Variants in LMBR1 observed in about 807,000 individuals in gnomAD.
The protein encoded by LMBR1 is limb development membrane protein 1.
Under a neutral mutation model 73.9 loss-of-function variants are expected in LMBR1, and 52 were observed. The observed-to-expected ratio is 0.70, with a 90% CI of 0.56 to 0.89. LMBR1 has a LOEUF of 0.89. Among genes scored for constraint, LMBR1 ranks in the 40% least tolerant of loss-of-function variants. The probability of loss-of-function intolerance (pLI) is 0.00; values close to 1 mark genes in which losing one functional copy is unlikely to be tolerated. For missense variants in LMBR1, 539 were observed against 579.8 expected (o/e 0.93, Z 0.72); for synonymous variants, 215 against 209.4 (o/e 1.03, Z -0.23).
Position 156,878,721 on chromosome 7 carries a change from A to C in LMBR1, c.66+14207T>G, listed in dbSNP as rs970728012. ...AAAAACAATCCTAAAATTCATATGG[A>C]ACCAAAAAAGAGCCCGCGTAGCCAA... On this transcript the variant is annotated intron_variant, in intron 1 of 16. Coordinates refer to ENST00000353442, the MANE Select transcript of LMBR1 (RefSeq NM_022458.4). Among the ~76,000 whole-genome samples, 10 of 152,206 alleles carry C rather than the reference A, an allele frequency of 6.6e-5. No individual in the cohort carries two copies. In the South Asian group the frequency reaches 1.2e-3, roughly 19 times the overall value.
intron 15 of LMBR1, among the ~76,000 whole-genome samples, chr7:156,709,128 G>A (rs954789880): frequency 1.3e-5 from 2 of 151,998 alleles, no homozygotes; most frequent in Non-Finnish European, 2.9e-5. Context: ...GAGCTTTATG[G>A]CCCCACCCAT....
rs1475308681 is a variant in LMBR1, at chr7:156,670,405, G to C, written n.867-1118C>G. ...CCAGGGAAGTGACTTGCCTAAGAGA[G>C]GATGTGGCGCAGGATGTCACTGTCA... On this transcript the variant is annotated intron_variant and non_coding_transcript_variant, in intron 4 of 4. Transcript: ENST00000430825. The surrounding 1 kb of genome is among the most constrained non-coding windows in gnomAD (Gnocchi z 4.3). Among the ~76,000 whole-genome samples, 1 of 152,234 alleles carries C rather than the reference G, an allele frequency of 6.6e-6. No homozygotes were observed. The highest frequency in any genetic ancestry group is 1.5e-5 in the Non-Finnish European group (1 of 68,044).
At chr7:156,800,482 CAAAAAA>C (rs1245017996) in intron 4 of LMBR1, among the ~76,000 whole-genome samples, 3 of 81,030 alleles carry the variant, frequency 3.7e-5, no homozygotes, top group African/African-American at 9.8e-5. Flanking sequence ...ACTTGCTACT[CAAAAAA>C]AAAAAAAAAA....
chr7:156,886,162 C>T (rs904118703), intron 1 of LMBR1, among the ~76,000 whole-genome samples: 1 of 152,110 alleles, frequency 6.6e-6, no homozygotes, highest in African/African-American at 2.4e-5. Flanking sequence ...GACGGAACCA[C>T]ACTCTGCCTC....
chr7:156,832,888 C>A (rs1836934950), intron 3 of LMBR1, among the ~76,000 whole-genome samples: 1 of 152,156 alleles, frequency 6.6e-6, no homozygotes, highest in South Asian at 2.1e-4. Context: ...GACTAAAGGA[C>A]ATGACACCCA....
At chr7:156,815,286 T>C (rs1465619797) in intron 4 of LMBR1, among the ~76,000 whole-genome samples, 2 of 151,824 alleles carry the variant, frequency 1.3e-5, no homozygotes, top group Admixed American at 6.6e-5. Flanking sequence ...CCTTAAAGAA[T>C]TATTCTCATT....
intron 1 of LMBR1, among the ~76,000 whole-genome samples, chr7:156,862,086 A>G (rs116869600): frequency 0.023 from 3,560 of 152,318 alleles, 64 homozygotes; most frequent in Non-Finnish European, 0.039. Flanking sequence ...GCCTGTTTCC[A>G]CGCTGCTGAT....
At chr7:156,874,014 G>A (rs1197262484) in intron 1 of LMBR1, among the ~76,000 whole-genome samples, 3 of 152,260 alleles carry the variant, frequency 2.0e-5, no homozygotes, top group Non-Finnish European at 4.4e-5. Flanking sequence ...GTACTCCTCA[G>A]CCCTTGGGTG....
intron 9 of LMBR1, among the ~76,000 whole-genome samples, chr7:156,747,426 C>A (rs950599093): frequency 1.6e-4 from 25 of 151,996 alleles, no homozygotes; most frequent in African/African-American, 6.0e-4. Context: ...ACTAAGCTGT[C>A]CTTACAACTT....
intron 5 of LMBR1, among the ~76,000 whole-genome samples, chr7:156,782,001 T>A (rs1827217352): frequency 6.6e-6 from 1 of 152,134 alleles, no homozygotes; most frequent in Admixed American, 6.6e-5. Context: ...CAATACACAA[T>A]CCCTGGCAAC....
chr7:156,877,020 G>C (rs1010232523), intron 1 of LMBR1, among the ~76,000 whole-genome samples: 31 of 151,822 alleles, frequency 2.0e-4, no homozygotes, highest in African/African-American at 6.8e-4. Context: ...AAATACAAAA[G>C]AAAAATGAAA....
At chr7:156,877,520 C>T (rs1023936537) in intron 1 of LMBR1, among the ~76,000 whole-genome samples, 1 of 152,206 alleles carries the variant, frequency 6.6e-6, no homozygotes, top group East Asian at 1.9e-4. Flanking sequence ...CTAACCGAAT[C>T]CAAAAACATA....
intron 8 of LMBR1, among the ~76,000 whole-genome samples, chr7:156,760,676 T>G (rs1822809534): frequency 6.6e-6 from 1 of 152,242 alleles, no homozygotes. Context: ...GGTACACAAG[T>G]GTGTATACAA....
chr7:156,738,520 T>TGGG (rs1258851321), intron 9 of LMBR1, among the ~76,000 whole-genome samples: 16 of 152,066 alleles, frequency 1.1e-4, no homozygotes, highest in African/African-American at 3.4e-4. Context: ...TTGCACCACC[T>TGGG]CTCCACCAAC....
At chr7:156,671,191 A>G (rs1490954291) in intron 4 of LMBR1, among the ~76,000 whole-genome samples, 1 of 152,224 alleles carries the variant, frequency 6.6e-6, no homozygotes, top group African/African-American at 2.4e-5. Context: ...TAAGAAACCA[A>G]TGGCAGGGCA....
At chr7:156,781,146 A>G (rs900563303) in intron 5 of LMBR1, among the ~76,000 whole-genome samples, 1 of 152,254 alleles carries the variant, frequency 6.6e-6, no homozygotes, top group East Asian at 1.9e-4. Context: ...AAGAAAGATC[A>G]TTAGCATTAT....
intron 1 of LMBR1, among the ~76,000 whole-genome samples, chr7:156,845,121 T>C (rs1468913929): frequency 6.6e-6 from 1 of 152,166 alleles, no homozygotes; most frequent in Non-Finnish European, 1.5e-5. Flanking sequence ...CCATGATGGA[T>C]ATACCAATTG....
intron 15 of LMBR1, 90 bp downstream of exon 15, chr7:156,724,022 T>C: frequency 1.1e-6 from 1 of 881,188 alleles, no homozygotes; most frequent in East Asian, 2.7e-5. Flanking sequence ...ATTTCAAAGG[T>C]AATCTTTATG....
In LMBR1 at chr7:156,682,114, AG is replaced by A. The variant is rs1276146659; in HGVS notation, c.*1963del. The A allele has an allele frequency of 2.0e-5, 3 of 152,282 alleles. No homozygotes were observed. The highest frequency in any genetic ancestry group is 2.1e-4 in the South Asian group (1 of 4,834). 9.4% of individuals were successfully genotyped at this position (152,282 alleles called of 1,614,324 possible). A position where few individuals can be genotyped will look rare whatever the true frequency, so the allele number is the denominator to read the frequency against. ...CTTCAACAGCAGTGAGGATGCCTCC[AG>A]GAAGTGTATTGTACTCAGGGCTTAC... On this transcript the variant is annotated 3_prime_UTR_variant, in exon 17 of 17. Coordinates refer to ENST00000353442, the MANE Select transcript of LMBR1 (RefSeq NM_022458.4).
Sources: allele counts gnomAD v4.1 joint callset (sites outside exome capture counted in the v4.1 genomes callset), GRCh38; gene constraint gnomAD v4.1.1; non-coding constraint Gnocchi (gnomAD v3.1); transcripts MANE v1.5; gene names NCBI Gene and HGNC (gene_info 2026-07-23, HGNC 2026-07-21).